VIPAS39: variants seen among roughly 807,000 people sequenced by gnomAD.
VIPAS39 encodes spermatogenesis-defective protein 39 homolog.
A neutral mutation model predicts 84.7 loss-of-function variants in VIPAS39; 63 were observed. That is an observed-to-expected ratio of 0.74 (90% confidence interval 0.61 to 0.92). VIPAS39 has a LOEUF of 0.92. Among genes scored for constraint, VIPAS39 ranks in the 40% least tolerant of loss-of-function variants. The pLI is 0.00. For missense variants in VIPAS39, 499 were observed against 604.5 expected, an observed-to-expected ratio of 0.83 and a Z score of 1.83; for synonymous variants, 192 against 216.5, an observed-to-expected ratio of 0.89 and a Z score of 0.99.
intron 10 of VIPAS39, 102 bp from the exon 11 acceptor site, chr14:77,441,195 C>T (rs2078698147): frequency 6.4e-6 from 8 of 1,252,406 alleles, no homozygotes; most frequent in Non-Finnish European, 9.3e-6. Context: ...ACAATTCAAA[C>T]TCATTTCCCT....
chr14:77,435,697 A>AG (rs905475297), intron 13 of VIPAS39, 147 bp downstream of exon 13: 1 of 915,264 alleles, frequency 1.1e-6, no homozygotes, highest in African/African-American at 1.7e-5. Flanking sequence ...CAATGGAGGA[A>AG]GGGGGCTATT....
At chr14:77,454,670 G>A (rs866554654) in intron 1 of VIPAS39, among the ~76,000 whole-genome samples, 31 of 61,216 alleles carry the variant, frequency 5.1e-4, no homozygotes, top group Non-Finnish European at 7.0e-4. Flanking sequence ...GCGAAACTCC[G>A]TCTCCAAAAA....
At chr14:77,435,170 TATTA>T in intron 14 of VIPAS39, 85 bp downstream of exon 14, 1 of 1,589,932 alleles carries the variant, frequency 6.3e-7, no homozygotes, top group Non-Finnish European at 8.6e-7. Context: ...ACATACCCAT[TATTA>T]ATAGAGTACA....
At position 77,427,590 on chromosome 14, in the gene VIPAS39, G is replaced by A. The variant is rs1268622624; in HGVS notation, c.*26C>T. 1.2e-6 allele frequency: 2 copies of A among 1,613,940 alleles called. No individual in the cohort carries two copies. The highest frequency in any genetic ancestry group is 1.7e-6 in the Non-Finnish European group (2 of 1,179,940). ...CACAGGCAGGAGAGGAGGAAATGAG[G>A]CAGGCTTCAAGGTAGTCAATGCCAC... On this transcript the variant is annotated 3_prime_UTR_variant, in exon 20 of 20. Transcript: ENST00000557658.
At chr14:77,437,713 C>G (rs1369451012) in intron 12 of VIPAS39, 95 bp downstream of exon 12, 7 of 1,305,956 alleles carry the variant, frequency 5.4e-6, no homozygotes, top group Non-Finnish European at 7.7e-6. Context: ...TGTTAGCCCT[C>G]CCCTTCCTGC....
rs538087917 is a variant in VIPAS39 at position 77,440,747 on chromosome 14, C to A, written c.762+319G>T. Among the ~76,000 whole-genome samples the A allele has an allele frequency of 1.9e-4, 29 of 152,264 alleles. No individual in the cohort carries two copies. In the East Asian group the frequency reaches 5.2e-3, roughly 27 times the overall value. On this transcript the variant is annotated intron_variant, in intron 11 of 19. Transcript: ENST00000557658. ...GATTTCTGGGTTCGTGAGACAGAGT[C>A]TCACTCTGTTGCCCAGGCTGGAGTG...
chr14:77,435,929 T>A lies in VIPAS39; in HGVS notation c.837-10A>T. ...TGCTGAAAATGGCAAACTGGTAGAGTGCCAGAAGGTTAGTACCTTTCTCTA... is the reference window on the plus strand; with the variant it reads ...TGCTGAAAATGGCAAACTGGTAGAGAGCCAGAAGGTTAGTACCTTTCTCTA... On this transcript the variant is annotated splice_polypyrimidine_tract_variant and intron_variant, in intron 12 of 19. Transcript: ENST00000557658. The A allele has an allele frequency of 6.2e-7, 1 of 1,613,934 alleles. No homozygotes were observed. The highest frequency in any genetic ancestry group is 8.5e-7 in the Non-Finnish European group (1 of 1,179,924).
At chr14:77,428,862 C>T in intron 18 of VIPAS39, 144 bp downstream of exon 18, 1 of 743,794 alleles carries the variant, frequency 1.3e-6, no homozygotes, top group African/African-American at 1.7e-5. Context: ...TGCTGGTCTC[C>T]AAACAAACTC....
intron 10 of VIPAS39, among the ~76,000 whole-genome samples, chr14:77,442,043 CCTGA>C (rs2078711718): frequency 1.3e-5 from 2 of 152,158 alleles, no homozygotes; most frequent in African/African-American, 4.8e-5. Flanking sequence ...CCCTGGGTAT[CCTGA>C]CTGAAAATAT....
Position 77,427,710 on chromosome 14 carries a change from A to G in VIPAS39, c.1462-74T>C, listed in dbSNP as rs921916693. 135 of 1,582,204 alleles carry G rather than the reference A, an allele frequency of 8.5e-5. 4 individuals are homozygous for G. The Middle Eastern group carries it at 2.0e-3, about 23-fold the overall frequency. ...CCTACAGCAAGGCAGAGAAAATGCA[A>G]CAAAACAAGGCTCAGCTAGATAATG... On this transcript the variant is annotated intron_variant, in intron 19 of 19. Transcript: ENST00000557658.
chr14:77,443,575 C>G (rs1425998519), intron 8 of VIPAS39, among the ~76,000 whole-genome samples: 2 of 151,876 alleles, frequency 1.3e-5, no homozygotes, highest in Non-Finnish European at 2.9e-5. Flanking sequence ...ATAGCAAGAC[C>G]CTGTCTCTAC....
rs1425380938 is a variant in VIPAS39 at position 77,433,827 on chromosome 14, G to T, written c.1179+15C>A. 6.2e-7 allele frequency: 1 copy of T among 1,613,208 alleles called. No homozygotes were observed. The highest frequency in any genetic ancestry group is 8.5e-7 in the Non-Finnish European group (1 of 1,179,374). ...GTCTCCCAAGGCCTCAGCAGCACAG[G>T]GGCAGGGCACACACCTTTGTGGTGA... On this transcript the variant is annotated intron_variant, in intron 16 of 19. Coordinates refer to ENST00000557658, the MANE Select transcript of VIPAS39 (RefSeq NM_001193315.2).
chr14:77,455,797 G>A (rs2078951811), intron 1 of VIPAS39, among the ~76,000 whole-genome samples: 1 of 152,102 alleles, frequency 6.6e-6, no homozygotes, highest in Non-Finnish European at 1.5e-5. Context: ...AGGGTATTGT[G>A]GGGATTTTCT....
At chr14:77,453,503 A>G (rs965477185) in intron 2 of VIPAS39, 102 bp from the exon 3 acceptor site, 2 of 1,090,360 alleles carry the variant, frequency 1.8e-6, no homozygotes, top group East Asian at 4.7e-5. Flanking sequence ...AAGGTGGCCA[A>G]CACTCGCCCT....
intron 1 of VIPAS39, among the ~76,000 whole-genome samples, chr14:77,456,668 A>G: frequency 6.6e-6 from 1 of 152,254 alleles, no homozygotes. Flanking sequence ...CCAGAAAACT[A>G]GAGATCATTC....
At chr14:77,443,260 C>T (rs1463114490) in intron 8 of VIPAS39, 108 bp from the exon 9 acceptor site, 1 of 1,319,392 alleles carries the variant, frequency 7.6e-7, no homozygotes, top group Non-Finnish European at 1.1e-6. Flanking sequence ...GAAGGTATAG[C>T]CAACAGCTCT....
chr14:77,442,147 AC>A (rs2078712837), intron 10 of VIPAS39, among the ~76,000 whole-genome samples: 1 of 152,190 alleles, frequency 6.6e-6, no homozygotes. Context: ...TTGTAAGAAA[AC>A]ACTTAATAAA....
chr14:77,453,292 T>C lies in VIPAS39; in HGVS notation c.196+7A>G, dbSNP rs771767059. 1.2e-6 allele frequency: 2 copies of C among 1,613,924 alleles called. No individual in the cohort carries two copies. Among genetic ancestry groups the C allele is most frequent in the South Asian group, 2.2e-5 (2 of 91,082 alleles). On this transcript the variant is annotated splice_region_variant and intron_variant, in intron 3 of 19. Coordinates refer to ENST00000557658, the MANE Select transcript of VIPAS39 (RefSeq NM_001193315.2). The stretch of plus-strand genomic sequence containing the variant: ...ATCTATCCCTGCCTAGGGACTCTTC[T>C]ACTTACTTCCCACAGGTTCCCCACT...
chr14:77,433,753 G>T, intron 16 of VIPAS39, 89 bp downstream of exon 16: 4 of 1,385,746 alleles, frequency 2.9e-6, no homozygotes, highest in Non-Finnish European at 4.0e-6. Flanking sequence ...AAAGTTGGAG[G>T]AAAAATGTAA....
Sources: gnomAD v4.1 joint callset for allele counts (sites outside exome capture counted in the v4.1 genomes callset) on GRCh38, gnomAD v4.1.1 for gene constraint, MANE v1.5 for transcripts, NCBI Gene and HGNC (gene_info 2026-07-23, HGNC 2026-07-21) for gene names.